NBEAL1: variants seen among roughly 807,000 people sequenced by gnomAD.
NBEAL1 encodes neurobeachin like 1.
In NBEAL1, 273 loss-of-function variants were observed where a neutral mutation model predicts 351.3. The ratio of observed to expected loss-of-function variants is 0.78; its 90% confidence interval spans 0.70 to 0.86. The LOEUF (loss-of-function observed/expected upper bound fraction) is 0.86, where lower values mean the gene tolerates loss of function less well. Ranked by LOEUF, NBEAL1 falls within the 40% of genes least tolerant of loss-of-function variation. The probability of loss-of-function intolerance (pLI) is 0.00; values close to 1 mark genes in which losing one functional copy is unlikely to be tolerated. For synonymous variants in NBEAL1, 1,050 were observed against 1,086.4 expected (o/e 0.97, Z 0.66); for missense variants, 2,961 against 3,201.3 (o/e 0.92, Z 1.81).
At position 203,134,634 on chromosome 2, in the gene NBEAL1, A is replaced by G. The variant is rs1240045639; in HGVS notation, c.3814-1043A>G. Among the ~76,000 whole-genome samples the G allele has an allele frequency of 3.9e-5, 6 of 152,304 alleles. 1 individual carries two copies. In the South Asian group the frequency reaches 1.0e-3, roughly 26 times the overall value. On this transcript the variant is annotated intron_variant, in intron 27 of 55. Coordinates refer to ENST00000683969, the MANE Select transcript of NBEAL1 (RefSeq NM_001378026.1). ...TACATAGAAGTTTATTGACTTTGTGATAAAATTGTCTTAAAAGATCTTAAC... is the reference window on the plus strand; with the variant it reads ...TACATAGAAGTTTATTGACTTTGTGGTAAAATTGTCTTAAAAGATCTTAAC...
intron 3 of NBEAL1, among the ~76,000 whole-genome samples, chr2:203,042,593 T>C (rs555851737): frequency 5.3e-5 from 8 of 152,016 alleles, no homozygotes; most frequent in African/African-American, 1.9e-4. Context: ...TTCTTTTTTT[T>C]TTTTTTTCTT....
chr2:203,100,870 C>T (rs1040692217), intron 12 of NBEAL1, among the ~76,000 whole-genome samples: 2 of 151,902 alleles, frequency 1.3e-5, no homozygotes, highest in African/African-American at 4.8e-5. Context: ...GAAAAGTGTC[C>T]GTTCTTGTCC....
At chr2:203,123,572 G>C (rs921211403) in intron 19 of NBEAL1, among the ~76,000 whole-genome samples, 8 of 152,048 alleles carry the variant, frequency 5.3e-5, no homozygotes, top group Admixed American at 1.3e-4. Context: ...GACCTCAGTT[G>C]ATCCGCCCAC....
chr2:203,055,705 CAT>C (rs1288558928), intron 4 of NBEAL1, among the ~76,000 whole-genome samples: 10 of 151,974 alleles, frequency 6.6e-5, no homozygotes, highest in Non-Finnish European at 1.5e-4. Flanking sequence ...CACAATATCT[CAT>C]AACAAAATTA....
chr2:203,124,576 C>T (rs2062898726), intron 19 of NBEAL1, among the ~76,000 whole-genome samples: 1 of 151,972 alleles, frequency 6.6e-6, no homozygotes, highest in African/African-American at 2.4e-5. Flanking sequence ...TTTTGTAAAC[C>T]TCAAATATAC....
chr2:203,157,570 C>A, intron 35 of NBEAL1, 129 bp from the exon 36 acceptor site: 1 of 552,616 alleles, frequency 1.8e-6, no homozygotes, highest in East Asian at 3.5e-5. Flanking sequence ...ATCAAAGTAC[C>A]GTCTTTACTT....
At chr2:203,133,736 TAA>T (rs1299466887) in intron 27 of NBEAL1, among the ~76,000 whole-genome samples, 2 of 151,016 alleles carry the variant, frequency 1.3e-5, no homozygotes, top group Non-Finnish European at 3.0e-5. Flanking sequence ...TGTGTGAGAA[TAA>T]GAGATCTCTA....
At chr2:203,035,243 G>A (rs1208118657) in intron 2 of NBEAL1, among the ~76,000 whole-genome samples, 4 of 149,174 alleles carry the variant, frequency 2.7e-5, no homozygotes, top group African/African-American at 9.7e-5. Context: ...GTATAGCACA[G>A]CTCTAAGTTA....
At chr2:203,208,819 TA>T in intron 52 of NBEAL1, 66 bp downstream of exon 52, 1 of 1,233,268 alleles carries the variant, frequency 8.1e-7, no homozygotes, top group Admixed American at 2.5e-5. Flanking sequence ...CACTTATAAC[TA>T]AAAAGTTTTT....
At chr2:203,103,308 C>T (rs936346850) in intron 12 of NBEAL1, among the ~76,000 whole-genome samples, 1 of 151,080 alleles carries the variant, frequency 6.6e-6, no homozygotes, top group Non-Finnish European at 1.5e-5. Context: ...GAGTCTCTGT[C>T]TGCCACCCAG....
chr2:203,097,676 T>C (rs1231699845), intron 11 of NBEAL1, 43 bp downstream of exon 11: 23 of 759,900 alleles, frequency 3.0e-5, no homozygotes, highest in Non-Finnish European at 3.5e-5. Flanking sequence ...AAGTCCAAAA[T>C]CAGCCAATGG....
At chr2:203,202,520 TG>T (rs1237481338) in intron 50 of NBEAL1, among the ~76,000 whole-genome samples, 166 bp from the exon 51 acceptor site, 1 of 152,232 alleles carries the variant, frequency 6.6e-6, no homozygotes, top group Non-Finnish European at 1.5e-5. Flanking sequence ...TTGACACTGC[TG>T]CTTTCCTGTG....
rs1433403301 is a variant in NBEAL1, at chr2:203,224,154, C to A, written c.*6800C>A. On this transcript the variant is annotated 3_prime_UTR_variant, in exon 56 of 56. Coordinates refer to ENST00000683969, the MANE Select transcript of NBEAL1 (RefSeq NM_001378026.1). Reference sequence around the variant, plus strand: ...TATAGTAGATCTTACTATTAAAGATCTTTTATATTTTAAACTGTTTTTTTC... The same window carrying A: ...TATAGTAGATCTTACTATTAAAGATATTTTATATTTTAAACTGTTTTTTTC... Among the ~76,000 whole-genome samples, 1 of 151,908 alleles carries A rather than the reference C, an allele frequency of 6.6e-6. No homozygotes were observed. The highest frequency in any genetic ancestry group is 2.1e-4 in the South Asian group (1 of 4,822).
Position 203,110,264 on chromosome 2 carries a change from T to G in NBEAL1, c.2064T>G (p.Ser688Arg). 9 of 1,552,318 alleles carry G rather than the reference T, an allele frequency of 5.8e-6. No individual in the cohort carries two copies. The highest frequency in any genetic ancestry group is 2.4e-5 in the East Asian group (1 of 41,070). ...CAACGGTTATGCTTCCTGACCACAG[T>G]TTCTGTGATTCCCTCTGGGTAAGGC... ...EYATVMLPDH[S>R]FCDSLWHNIT... Residue 688 changes from serine (S) to arginine (R), a missense_variant, in exon 15 of 56, where the codon AGT (serine) becomes AGG (arginine). By Grantham distance (110) the Ser-to-Arg change is moderately radical (BLOSUM62 -1). Coordinates refer to ENST00000683969, the MANE Select transcript of NBEAL1 (RefSeq NM_001378026.1).
intron 54 of NBEAL1, among the ~76,000 whole-genome samples, chr2:203,213,184 G>A (rs1418597259): frequency 6.6e-6 from 1 of 152,030 alleles, no homozygotes; most frequent in Non-Finnish European, 1.5e-5. Context: ...TAATAGAATG[G>A]GTTGGAAAAT....
intron 3 of NBEAL1, among the ~76,000 whole-genome samples, chr2:203,044,849 G>C (rs1311944651): frequency 6.6e-6 from 1 of 152,104 alleles, no homozygotes; most frequent in Non-Finnish European, 1.5e-5. Context: ...TAAAGCCTTT[G>C]AACTTCAACC....
Position 203,214,550 on chromosome 2 carries a change from G to C in NBEAL1, c.8070+897G>C, listed in dbSNP as rs116704800. Reference sequence around the variant, plus strand: ...TGCACTTTGGGGGACCGAGACGAGCGGATCACTTGAGGTCAGGAGTTCGAG... The same window carrying C: ...TGCACTTTGGGGGACCGAGACGAGCCGATCACTTGAGGTCAGGAGTTCGAG... On this transcript the variant is annotated intron_variant, in intron 55 of 55. Coordinates refer to ENST00000683969, the MANE Select transcript of NBEAL1 (RefSeq NM_001378026.1). 3.2e-3 allele frequency among the ~76,000 whole-genome samples: 492 copies of C among 152,226 alleles called. 4 individuals are homozygous for C. The highest frequency in any genetic ancestry group is 0.011 in the African/African-American group (476 of 41,536).
rs540013388 is a variant in NBEAL1 at position 203,220,662 on chromosome 2, G to A, written c.*3308G>A. Among the ~76,000 whole-genome samples, 6 of 152,092 alleles carry A rather than the reference G, an allele frequency of 3.9e-5. No homozygotes were observed. The highest frequency in any genetic ancestry group is 7.2e-5 in the African/African-American group (3 of 41,400). On this transcript the variant is annotated 3_prime_UTR_variant, in exon 56 of 56. Coordinates refer to ENST00000683969, the MANE Select transcript of NBEAL1 (RefSeq NM_001378026.1). Reference sequence around the variant, plus strand: ...ATTAAAACATGTAATAGCTGTGCACGCTTAGAGAATAAAGAACCTTTATAA... The same window carrying A: ...ATTAAAACATGTAATAGCTGTGCACACTTAGAGAATAAAGAACCTTTATAA...
intron 2 of NBEAL1, among the ~76,000 whole-genome samples, chr2:203,029,747 C>G (rs975227247): frequency 1.3e-5 from 2 of 151,274 alleles, no homozygotes; most frequent in Non-Finnish European, 2.9e-5. Flanking sequence ...TGAAACCTTT[C>G]TCACTAGGAA....
Sources: allele counts gnomAD v4.1 joint callset (sites outside exome capture counted in the v4.1 genomes callset), GRCh38; gene constraint gnomAD v4.1.1; transcripts MANE v1.5; gene names NCBI Gene and HGNC (gene_info 2026-07-23, HGNC 2026-07-21).